The following MTSS1 variants were observed in gnomAD, a reference collection of about 807,000 sequenced individuals.
MTSS1 encodes MTSS I-BAR domain containing 1.
Under a neutral mutation model 79.0 loss-of-function variants are expected in MTSS1, and 18 were observed. That is an observed-to-expected ratio of 0.23 (90% confidence interval 0.16 to 0.34). The LOEUF (loss-of-function observed/expected upper bound fraction) is 0.34, where lower values mean the gene tolerates loss of function less well. Ranked by LOEUF, MTSS1 falls within the 10% of genes least tolerant of loss-of-function variation. The probability of loss-of-function intolerance (pLI) is 1.00; values close to 1 mark genes in which losing one functional copy is unlikely to be tolerated. For missense variants in MTSS1, 815 were observed against 986.2 expected, an observed-to-expected ratio of 0.83 and a Z score of 2.33; for synonymous variants, 341 against 368.6, an observed-to-expected ratio of 0.93 and a Z score of 0.86.
intron 1 of MTSS1, among the ~76,000 whole-genome samples, chr8:124,714,248 G>A (rs1024575179): frequency 5.9e-5 from 9 of 152,146 alleles, no homozygotes; most frequent in African/African-American, 9.7e-5. Context: ...TGCTGTATTC[G>A]AGAGTACAGA....
At chr8:124,679,350 G>A (rs994677359) in intron 3 of MTSS1, among the ~76,000 whole-genome samples, 3 of 152,196 alleles carry the variant, frequency 2.0e-5, no homozygotes, top group Non-Finnish European at 2.9e-5. Context: ...TCCAATGCTC[G>A]TGGTCTAGGC....
chr8:124,627,224 T>A (rs1814871700), intron 3 of MTSS1, among the ~76,000 whole-genome samples: 1 of 152,182 alleles, frequency 6.6e-6, no homozygotes, highest in Admixed American at 6.5e-5. Flanking sequence ...ACTGGAATCA[T>A]CTTACAGTGT....
At chr8:124,570,623 C>T (rs1383602700) in intron 6 of MTSS1, among the ~76,000 whole-genome samples, 1 of 152,090 alleles carries the variant, frequency 6.6e-6, no homozygotes, top group East Asian at 1.9e-4. Context: ...TAGGCATCCA[C>T]GGGGGGTCTT....
chr8:124,646,082 A>T (rs760465580), intron 3 of MTSS1, among the ~76,000 whole-genome samples: 4 of 151,496 alleles, frequency 2.6e-5, no homozygotes, highest in Non-Finnish European at 5.9e-5. Context: ...ATTGTATTCA[A>T]CTCATTTTTT....
chr8:124,653,764 G>C (rs1820447252), intron 3 of MTSS1, among the ~76,000 whole-genome samples: 1 of 152,046 alleles, frequency 6.6e-6, no homozygotes, highest in Non-Finnish European at 1.5e-5. Context: ...AAATAAAACA[G>C]GGATTCATAA....
intron 2 of MTSS1, 35 bp from the exon 3 acceptor site, chr8:124,699,634 T>A (rs1330822875): frequency 1.3e-6 from 2 of 1,594,712 alleles, no homozygotes; most frequent in Non-Finnish European, 1.7e-6. Context: ...GCATAAGGAA[T>A]GTCTCTCCCT....
At chr8:124,723,517 G>C (rs1482088330) in intron 1 of MTSS1, among the ~76,000 whole-genome samples, 183 of 446 alleles carry the variant, frequency 0.41, no homozygotes, top group Non-Finnish European at 0.2. Context: ...ACTAAATAGG[G>C]AGGGGGTTTT....
At chr8:124,668,990 T>G (rs562027839) in intron 3 of MTSS1, among the ~76,000 whole-genome samples, 1 of 152,332 alleles carries the variant, frequency 6.6e-6, no homozygotes, top group Non-Finnish European at 1.5e-5. Context: ...AGACAGATAT[T>G]CTGATTGTAC....
At position 124,728,075 on chromosome 8, in the gene MTSS1, C is replaced by T. The variant is rs1188214649; in HGVS notation, c.-120G>A. 12 of 777,362 alleles carry T rather than the reference C, an allele frequency of 1.5e-5. No homozygotes were observed. The highest frequency in any genetic ancestry group is 2.3e-5 in the Non-Finnish European group (11 of 481,802). 48.2% of individuals were successfully genotyped at this position (777,362 alleles called of 1,614,324 possible). ...CGAGAGACCCACCTCGGACTCGCAG[C>T]CTCTTCTGCAGCGAGGACGGGGTGC... On this transcript the variant is annotated 5_prime_UTR_variant, in exon 1 of 14. Transcript: ENST00000518547. This position sits in a 1 kb window ranked among gnomAD's most constrained non-coding sequence, Gnocchi z 6.1.
intron 3 of MTSS1, among the ~76,000 whole-genome samples, chr8:124,605,107 G>T (rs576461446): frequency 6.6e-6 from 1 of 152,294 alleles, no homozygotes; most frequent in South Asian, 2.1e-4. Flanking sequence ...AATGGTGTCT[G>T]GTTGCAACAC....
Position 124,565,842 on chromosome 8 carries a change from C to G in MTSS1, c.727-83G>C, listed in dbSNP as rs536861419. 2.9e-3 allele frequency: 3,300 copies of G among 1,157,012 alleles called. 18 individuals carry two copies. The highest frequency in any genetic ancestry group is 7.4e-3 in the South Asian group (521 of 70,306). 71.7% of individuals were successfully genotyped at this position (1,157,012 alleles called of 1,614,324 possible). On this transcript the variant is annotated intron_variant, in intron 8 of 13. Coordinates refer to ENST00000518547, the MANE Select transcript of MTSS1 (RefSeq NM_014751.6). ...CAAAGCTTAACATCCACCAAAGCAT[C>G]AAAACGCTGCCATCGTGGGGGTGGG...
At chr8:124,623,909 G>A (rs918789088) in intron 3 of MTSS1, among the ~76,000 whole-genome samples, 5 of 152,206 alleles carry the variant, frequency 3.3e-5, no homozygotes, top group Admixed American at 6.5e-5. Flanking sequence ...CTCCCAAAGC[G>A]CTAGGATTAC....
chr8:124,555,945 G>C lies in MTSS1; in HGVS notation c.1405-41C>G, dbSNP rs555603016. The C allele has an allele frequency of 2.9e-5, 46 of 1,594,958 alleles. 2 individuals are homozygous for C. Among genetic ancestry groups the C allele is most frequent in the Middle Eastern group, 1.7e-4 (1 of 6,052 alleles). On this transcript the variant is annotated intron_variant, in intron 12 of 13. Coordinates refer to ENST00000518547, the MANE Select transcript of MTSS1 (RefSeq NM_014751.6). ...GAGAAATACACAGGTTGCTTTAGGG[G>C]GGGGGCTCAACAGCACTCCTGTTCT...
At position 124,727,962 on chromosome 8, in the gene MTSS1, G is replaced by A. The variant is rs753880491; in HGVS notation, c.-7C>T. The A allele has an allele frequency of 6.2e-7, 1 of 1,608,594 alleles. No individual in the cohort carries two copies. Among genetic ancestry groups the A allele is most frequent in the Admixed American group, 1.7e-5 (1 of 59,458 alleles). On this transcript the variant is annotated 5_prime_UTR_variant, in exon 1 of 14. Coordinates refer to ENST00000518547, the MANE Select transcript of MTSS1 (RefSeq NM_014751.6). The surrounding 1 kb of genome is among the most constrained non-coding windows in gnomAD (Gnocchi z 4.7). The stretch of plus-strand genomic sequence containing the variant: ...TCTCAATCACAGCCTCCATTTTCCC[G>A]GCTCCGGCAGGGCGAGGGCACACAC...
chr8:124,624,924 G>A (rs1293370287), intron 3 of MTSS1, among the ~76,000 whole-genome samples: 1 of 152,186 alleles, frequency 6.6e-6, no homozygotes, highest in Non-Finnish European at 1.5e-5. Flanking sequence ...CATTGTCCTT[G>A]TTTCATAGAT....
At chr8:124,652,226 T>C (rs1027880143) in intron 3 of MTSS1, among the ~76,000 whole-genome samples, 1 of 152,156 alleles carries the variant, frequency 6.6e-6, no homozygotes, top group Non-Finnish European at 1.5e-5. Flanking sequence ...CAGGCTGGAG[T>C]GCAATGGCAC....
chr8:124,671,376 G>A (rs1287984937), intron 3 of MTSS1, among the ~76,000 whole-genome samples: 2 of 152,080 alleles, frequency 1.3e-5, no homozygotes, highest in African/African-American at 2.4e-5. Flanking sequence ...GAATGATGGG[G>A]CCCCTCTTGC....
chr8:124,683,775 C>G lies in MTSS1; in HGVS notation c.208+15751G>C, dbSNP rs1477941281. 6.6e-6 allele frequency among the ~76,000 whole-genome samples: 1 copy of G among 152,166 alleles called. No homozygotes were observed. Among genetic ancestry groups the G allele is most frequent in the Non-Finnish European group, 1.5e-5 (1 of 68,034 alleles). On this transcript the variant is annotated intron_variant, in intron 3 of 13. Transcript: ENST00000518547. The surrounding 1 kb of genome is among the most constrained non-coding windows in gnomAD (Gnocchi z 4.5). ...CCATAATACAGCAGTTAAAAGCCTCCAGGCTCTGGAATCAGAGCCCAGTTG... is the reference window on the plus strand; with the variant it reads ...CCATAATACAGCAGTTAAAAGCCTCGAGGCTCTGGAATCAGAGCCCAGTTG...
chr8:124,672,453 C>T (rs1179533004), intron 3 of MTSS1, among the ~76,000 whole-genome samples: 1 of 151,372 alleles, frequency 6.6e-6, no homozygotes, highest in Admixed American at 6.6e-5. Context: ...AAGATCATAC[C>T]ACTGCACTCC....
Sources: allele counts gnomAD v4.1 joint callset (sites outside exome capture counted in the v4.1 genomes callset), GRCh38; gene constraint gnomAD v4.1.1; non-coding constraint Gnocchi (gnomAD v3.1); transcripts MANE v1.5; gene names NCBI Gene and HGNC (gene_info 2026-07-23, HGNC 2026-07-21).